Variants in MGAT4A observed in about 807,000 individuals in gnomAD.
MGAT4A encodes N-acetylglucosaminyltransferase IVa.
In MGAT4A, 33 loss-of-function variants were observed where a neutral mutation model predicts 74.1. That is an observed-to-expected ratio of 0.45 (90% confidence interval 0.34 to 0.60). The LOEUF (loss-of-function observed/expected upper bound fraction) is 0.60, where lower values mean the gene tolerates loss of function less well. Among genes scored for constraint, MGAT4A ranks in the 20% least tolerant of loss-of-function variants. The probability of loss-of-function intolerance (pLI) is 0.02; values close to 1 mark genes in which losing one functional copy is unlikely to be tolerated. For missense variants in MGAT4A, 479 were observed against 628.3 expected (o/e 0.76, Z 2.54); for synonymous variants, 198 against 210.4 (o/e 0.94, Z 0.51).
At chr2:98,664,523 T>G (rs1701797777) in intron 4 of MGAT4A, among the ~76,000 whole-genome samples, 1 of 152,198 alleles carries the variant, frequency 6.6e-6, no homozygotes, top group African/African-American at 2.4e-5. Flanking sequence ...ACCTACCAGC[T>G]GTCTCAGTTC....
At chr2:98,716,917 T>TACAG (rs1702601070) in intron 2 of MGAT4A, among the ~76,000 whole-genome samples, 1 of 152,112 alleles carries the variant, frequency 6.6e-6, no homozygotes, top group African/African-American at 2.4e-5. Context: ...AAAAAACCAG[T>TACAG]TTGTATATGT....
chr2:98,668,756 G>T (rs1701872759), intron 4 of MGAT4A, among the ~76,000 whole-genome samples: 1 of 152,224 alleles, frequency 6.6e-6, no homozygotes, highest in Admixed American at 6.5e-5. Context: ...ACCCCGCAGA[G>T]CCACAGGGGC....
At chr2:98,626,550 T>C (rs1701146518) in intron 14 of MGAT4A, among the ~76,000 whole-genome samples, 1 of 152,138 alleles carries the variant, frequency 6.6e-6, no homozygotes, top group Non-Finnish European at 1.5e-5. Context: ...CCAAGGTTGG[T>C]AAACTTTTTC....
At chr2:98,625,670 AC>A (rs1701134117) in intron 15 of MGAT4A, 52 bp downstream of exon 15, 2 of 1,565,554 alleles carry the variant, frequency 1.3e-6, no homozygotes, top group East Asian at 4.5e-5. Flanking sequence ...CAAAATAAAA[AC>A]ATAATAAAAA....
intron 2 of MGAT4A, among the ~76,000 whole-genome samples, chr2:98,715,072 T>C (rs1176572870): frequency 1.3e-5 from 2 of 151,848 alleles, no homozygotes; most frequent in African/African-American, 2.4e-5. Context: ...TCCCAGCACT[T>C]TGGGAGGCTG....
At chr2:98,643,057 G>A (rs1011141172) in intron 10 of MGAT4A, among the ~76,000 whole-genome samples, 3 of 151,860 alleles carry the variant, frequency 2.0e-5, no homozygotes, top group South Asian at 2.1e-4. Context: ...ACATCAAAAT[G>A]GACATTTTAA....
chr2:98,643,983 GGGT>G lies in MGAT4A; in HGVS notation c.957_959del (p.Lys319_Pro320delinsAsn). On this transcript the variant is annotated inframe_deletion, in exon 10 of 16. Coordinates refer to ENST00000393487, the MANE Select transcript of MGAT4A (RefSeq NM_012214.3). ...GAATATGGTCCAGGAGCCAATCAATGGGTTTCTCCTTGTAAAACATGAATATGA... is the reference window on the plus strand; with the variant it reads ...GAATATGGTCCAGGAGCCAATCAATGTTCTCCTTGTAAAACATGAATATGA... 1.9e-6 allele frequency: 3 copies of G among 1,600,222 alleles called. No homozygotes were observed. The highest frequency in any genetic ancestry group is 2.6e-6 in the Non-Finnish European group (3 of 1,170,618).
At chr2:98,696,270 T>C (rs1167257322) in intron 2 of MGAT4A, among the ~76,000 whole-genome samples, 1 of 152,234 alleles carries the variant, frequency 6.6e-6, no homozygotes, top group Admixed American at 6.5e-5. Context: ...TATTCCTTTT[T>C]AGTAGGAACG....
intron 8 of MGAT4A, among the ~76,000 whole-genome samples, chr2:98,648,134 T>G (rs1701522339): frequency 6.6e-6 from 1 of 152,180 alleles, no homozygotes; most frequent in African/African-American, 2.4e-5. Context: ...ATAATAAGCG[T>G]ATGTGAAGAC....
At chr2:98,704,416 C>T (rs1702394588) in intron 2 of MGAT4A, among the ~76,000 whole-genome samples, 1 of 152,132 alleles carries the variant, frequency 6.6e-6, no homozygotes, top group Non-Finnish European at 1.5e-5. Context: ...TTAGCCTGGG[C>T]AACATAGCAT....
At chr2:98,716,568 A>T (rs1401818007) in intron 2 of MGAT4A, among the ~76,000 whole-genome samples, 1 of 152,214 alleles carries the variant, frequency 6.6e-6, no homozygotes, top group Admixed American at 6.5e-5. Flanking sequence ...CGGTGAGCCA[A>T]GATTGTCGAT....
At chr2:98,639,140 A>G (rs897976730) in intron 12 of MGAT4A, among the ~76,000 whole-genome samples, 2 of 152,162 alleles carry the variant, frequency 1.3e-5, no homozygotes, top group Non-Finnish European at 2.9e-5. Context: ...CAAAAAAATT[A>G]GCCAGGTGTG....
intron 2 of MGAT4A, among the ~76,000 whole-genome samples, chr2:98,713,617 C>T (rs190881186): frequency 6.6e-6 from 1 of 152,122 alleles, no homozygotes; most frequent in East Asian, 1.9e-4. Flanking sequence ...CAAAAGAAAT[C>T]CAGGAAGCAT....
intron 4 of MGAT4A, among the ~76,000 whole-genome samples, chr2:98,665,481 T>C (rs1472006856): frequency 3.3e-5 from 5 of 152,214 alleles, no homozygotes; most frequent in Non-Finnish European, 7.3e-5. Flanking sequence ...TCTTCCATTT[T>C]AGGCAAGAAG....
At chr2:98,709,854 C>G (rs1702492411) in intron 2 of MGAT4A, among the ~76,000 whole-genome samples, 1 of 152,146 alleles carries the variant, frequency 6.6e-6, no homozygotes, top group African/African-American at 2.4e-5. Context: ...TTTCCCTAGC[C>G]CACAACACTT....
chr2:98,663,945 C>T (rs1043810326), intron 4 of MGAT4A, among the ~76,000 whole-genome samples: 1 of 152,092 alleles, frequency 6.6e-6, no homozygotes, highest in Non-Finnish European at 1.5e-5. Flanking sequence ...CAGTGGTTCA[C>T]GCCTGTAATC....
intron 2 of MGAT4A, among the ~76,000 whole-genome samples, chr2:98,720,548 T>C (rs1291558921): frequency 2.0e-5 from 3 of 152,172 alleles, no homozygotes; most frequent in African/African-American, 7.2e-5. Flanking sequence ...CGGCAGATTC[T>C]AGGACCTCTC....
intron 5 of MGAT4A, among the ~76,000 whole-genome samples, chr2:98,658,873 G>C (rs1202282740): frequency 6.6e-6 from 1 of 152,148 alleles, no homozygotes; most frequent in Non-Finnish European, 1.5e-5. Context: ...TTATGAACAA[G>C]TCAAAATTCT....
intron 4 of MGAT4A, among the ~76,000 whole-genome samples, chr2:98,666,793 C>T (rs1190269759): frequency 1.3e-5 from 2 of 152,142 alleles, no homozygotes; most frequent in Non-Finnish European, 1.5e-5. Context: ...GAAAGCAAAG[C>T]CCATGGTGAT....
Sources: allele counts gnomAD v4.1 joint callset (sites outside exome capture counted in the v4.1 genomes callset), GRCh38; gene constraint gnomAD v4.1.1; transcripts MANE v1.5; gene names NCBI Gene and HGNC (gene_info 2026-07-23, HGNC 2026-07-21).